RORA: variants seen among roughly 807,000 people sequenced by gnomAD.
RORA encodes RAR related orphan receptor A, also known as nuclear receptor ROR-alpha.
RORA carries 7 observed loss-of-function variants against 69.5 expected under a neutral mutation model. That is an observed-to-expected ratio of 0.10 (90% confidence interval 0.06 to 0.19). The LOEUF (loss-of-function observed/expected upper bound fraction) is 0.19, where lower values mean the gene tolerates loss of function less well. Ranked by LOEUF, RORA falls within the 10% of genes least tolerant of loss-of-function variation. RORA has a pLI of 1.00. For missense variants in RORA, 457 were observed against 663.0 expected (o/e 0.69, Z 3.41); for synonymous variants, 261 against 240.8 (o/e 1.08, Z -0.78).
rs564883844 is a variant in RORA, at chr15:61,143,188, A to G, written c.166+85865T>C. Among the ~76,000 whole-genome samples the G allele has an allele frequency of 4.6e-5, 7 of 152,300 alleles. No individual in the cohort carries two copies. In the South Asian group the frequency reaches 1.0e-3, roughly 23 times the overall value. On this transcript the variant is annotated intron_variant, in intron 1 of 10. Transcript: ENST00000335670. The stretch of plus-strand genomic sequence containing the variant: ...AAATAGCTTATATAAACAAAAGCCA[A>G]TTAAATATACAGAAGAAAGGTATCA...
chr15:60,506,746 A>G (rs2065517158), intron 5 of RORA, among the ~76,000 whole-genome samples: 1 of 151,860 alleles, frequency 6.6e-6, no homozygotes. Flanking sequence ...CAGCTACTTG[A>G]GAGGCTGAGG....
At chr15:60,883,493 T>C (rs899393879) in intron 1 of RORA, among the ~76,000 whole-genome samples, 1 of 152,212 alleles carries the variant, frequency 6.6e-6, no homozygotes, top group African/African-American at 2.4e-5. Flanking sequence ...TCAGTGTTGA[T>C]CTCCCCATTA....
intron 1 of RORA, among the ~76,000 whole-genome samples, chr15:61,160,936 C>A (rs2079489704): frequency 2.0e-5 from 3 of 152,164 alleles, no homozygotes; most frequent in Non-Finnish European, 4.4e-5. Context: ...AAGTACCAAT[C>A]TATCAAACCC....
At chr15:60,896,740 T>TC in intron 1 of RORA, among the ~76,000 whole-genome samples, 1 of 126,794 alleles carries the variant, frequency 7.9e-6, no homozygotes, top group East Asian at 2.1e-4. Flanking sequence ...AGCTTTTTTT[T>TC]TTTTTTTTTT....
intron 10 of RORA, among the ~76,000 whole-genome samples, chr15:60,498,154 A>G (rs1450908447): frequency 6.6e-6 from 1 of 152,226 alleles, no homozygotes; most frequent in Non-Finnish European, 1.5e-5. Flanking sequence ...TTCAATAACT[A>G]GAAAAGATGT....
chr15:60,715,306 G>A (rs567232458), intron 1 of RORA, among the ~76,000 whole-genome samples: 1 of 152,326 alleles, frequency 6.6e-6, no homozygotes, highest in East Asian at 1.9e-4. Context: ...GTGGAAGTTC[G>A]AAACCACTGA....
chr15:60,816,726 A>T (rs2072821271), intron 1 of RORA, among the ~76,000 whole-genome samples: 1 of 151,458 alleles, frequency 6.6e-6, no homozygotes, highest in Non-Finnish European at 1.5e-5. Context: ...CTAAAACTTA[A>T]AGTATAATAA....
chr15:60,998,778 A>G (rs1894651245), intron 1 of RORA, among the ~76,000 whole-genome samples: 1 of 152,208 alleles, frequency 6.6e-6, no homozygotes, highest in Admixed American at 6.5e-5. Context: ...TGTCTCTCTC[A>G]GCTTGGCCAG....
intron 1 of RORA, among the ~76,000 whole-genome samples, chr15:61,056,625 T>C (rs1428974627): frequency 6.6e-6 from 1 of 152,228 alleles, no homozygotes; most frequent in Non-Finnish European, 1.5e-5. Context: ...TTTTGTCATC[T>C]AAACATGGTT....
At chr15:60,567,467 A>G (rs1030400759) in intron 2 of RORA, among the ~76,000 whole-genome samples, 1 of 150,870 alleles carries the variant, frequency 6.6e-6, no homozygotes, top group Non-Finnish European at 1.5e-5. Context: ...GCTGGCGTGC[A>G]GTGGTGTGAT....
chr15:60,654,250 T>G (rs2070188790), intron 2 of RORA, among the ~76,000 whole-genome samples: 1 of 152,254 alleles, frequency 6.6e-6, no homozygotes, highest in Non-Finnish European at 1.5e-5. Context: ...AAATGTTCCA[T>G]GGTACACTGA....
At chr15:60,712,821 T>C (rs937990375) in intron 1 of RORA, among the ~76,000 whole-genome samples, 2 of 152,176 alleles carry the variant, frequency 1.3e-5, no homozygotes, top group Non-Finnish European at 2.9e-5. Flanking sequence ...AGAATTCACA[T>C]TGTTGTTCAG....
At chr15:61,088,417 A>G (rs2078656518) in intron 1 of RORA, among the ~76,000 whole-genome samples, 1 of 152,200 alleles carries the variant, frequency 6.6e-6, no homozygotes, top group Non-Finnish European at 1.5e-5. Context: ...AAGAAACGGG[A>G]TGATTTGTTC....
chr15:60,909,855 GTAT>G (rs1891653676), intron 1 of RORA, among the ~76,000 whole-genome samples: 1 of 152,192 alleles, frequency 6.6e-6, no homozygotes, highest in African/African-American at 2.4e-5. Flanking sequence ...GGTCTGGAAT[GTAT>G]TATTATTTTT....
intron 2 of RORA, among the ~76,000 whole-genome samples, chr15:60,604,081 C>T (rs1352992762): frequency 6.3e-5 from 9 of 143,824 alleles, no homozygotes; most frequent in African/African-American, 2.1e-4. Flanking sequence ...TGCAGAGAGC[C>T]GAGATCGCAC....
rs142250576 is a variant in RORA, at chr15:61,090,045, A to G, written c.166+139008T>C. Among the ~76,000 whole-genome samples the G allele has an allele frequency of 6.3e-3, 958 of 152,360 alleles. 8 individuals are homozygous for G. Among genetic ancestry groups the G allele is most frequent in the Non-Finnish European group, 9.9e-3 (676 of 68,030 alleles). ...TCAAAGCACCAAATGGGGCAAGCCCAGGGTTTTTGCCCAGAAGACTTTTCC... is the reference window on the plus strand; with the variant it reads ...TCAAAGCACCAAATGGGGCAAGCCCGGGGTTTTTGCCCAGAAGACTTTTCC... On this transcript the variant is annotated intron_variant, in intron 1 of 10. Coordinates refer to ENST00000335670, the MANE Select transcript of RORA (RefSeq NM_134261.3).
chr15:60,924,670 C>T (rs1199278228), intron 1 of RORA, among the ~76,000 whole-genome samples: 1 of 152,074 alleles, frequency 6.6e-6, no homozygotes, highest in Non-Finnish European at 1.5e-5. Flanking sequence ...AGCACTAAAC[C>T]ACAGGGCGGT....
At chr15:60,821,594 T>C (rs1160255714) in intron 1 of RORA, among the ~76,000 whole-genome samples, 1 of 152,210 alleles carries the variant, frequency 6.6e-6, no homozygotes, top group Non-Finnish European at 1.5e-5. Context: ...TGTATCTCTT[T>C]CTCCTCCCTG....
At chr15:60,949,172 C>T (rs531808659) in intron 1 of RORA, among the ~76,000 whole-genome samples, 2 of 152,280 alleles carry the variant, frequency 1.3e-5, no homozygotes, top group African/African-American at 2.4e-5. Flanking sequence ...GCACACACCC[C>T]CTATGACATG....
Sources: allele counts gnomAD v4.1 joint callset (sites outside exome capture counted in the v4.1 genomes callset), GRCh38; gene constraint gnomAD v4.1.1; transcripts MANE v1.5; gene names NCBI Gene and HGNC (gene_info 2026-07-23, HGNC 2026-07-21).